The following TMEM9 variants were observed in gnomAD, a reference collection of about 807,000 sequenced individuals.
TMEM9 encodes proton-transporting V-type ATPase complex assembly regulator TMEM9.
Under a neutral mutation model 22.8 loss-of-function variants are expected in TMEM9, and 13 were observed. The observed-to-expected ratio is 0.57, with a 90% CI of 0.37 to 0.91. The LOEUF (loss-of-function observed/expected upper bound fraction) is 0.91. TMEM9 is among the 40% of genes least tolerant of loss of function. The probability of loss-of-function intolerance (pLI) is 0.01; values close to 1 mark genes in which losing one functional copy is unlikely to be tolerated. For synonymous variants in TMEM9, 88 were observed against 93.0 expected, an observed-to-expected ratio of 0.95 and a Z score of 0.31; for missense variants, 182 against 238.1, an observed-to-expected ratio of 0.76 and a Z score of 1.55.
intron 2 of TMEM9, 149 bp from the exon 3 acceptor site, chr1:201,146,997 A>C: frequency 1.5e-6 from 1 of 663,108 alleles, no homozygotes; most frequent in Non-Finnish European, 2.6e-6. Flanking sequence ...CTTATAAAGG[A>C]TTAGGCTGGC....
intron 2 of TMEM9, among the ~76,000 whole-genome samples, chr1:201,149,567 T>C (rs1427229720): frequency 1.3e-5 from 2 of 152,166 alleles, no homozygotes; most frequent in Non-Finnish European, 2.9e-5. Flanking sequence ...TATGCACATA[T>C]GGTCATAATC....
At chr1:201,139,319 A>C (rs16847826) in intron 4 of TMEM9, among the ~76,000 whole-genome samples, 3,121 of 152,302 alleles carry the variant, frequency 0.02, 58 homozygotes, top group Admixed American at 0.054. Flanking sequence ...TCCTAGTGCA[A>C]AGCCCTTCAG....
At chr1:201,147,124 C>A (rs1233972940) in intron 2 of TMEM9, among the ~76,000 whole-genome samples, 1 of 152,182 alleles carries the variant, frequency 6.6e-6, no homozygotes, top group Non-Finnish European at 1.5e-5. Context: ...GGTTCTACCC[C>A]CAGCCGCCTT....
At chr1:201,147,430 C>T (rs1455969100) in intron 2 of TMEM9, among the ~76,000 whole-genome samples, 1 of 152,134 alleles carries the variant, frequency 6.6e-6, no homozygotes, top group Non-Finnish European at 1.5e-5. Context: ...TTGACACTGC[C>T]TTCCTCTCAT....
chr1:201,161,592 C>T (rs1200509318), intron 1 of TMEM9, among the ~76,000 whole-genome samples: 1 of 152,202 alleles, frequency 6.6e-6, no homozygotes, highest in African/African-American at 2.4e-5. Flanking sequence ...TTCGGGGAAC[C>T]TTAAAGTAAA....
chr1:201,145,998 A>T (rs575055748), intron 3 of TMEM9, among the ~76,000 whole-genome samples: 1 of 152,348 alleles, frequency 6.6e-6, no homozygotes, highest in South Asian at 2.1e-4. Context: ...CTATGTAATC[A>T]GTGAGTACTG....
At position 201,154,261 on chromosome 1, in the gene TMEM9, C is replaced by CCGCCTCTGCCCGCCCCGCAG. The variant is rs1665674829; in HGVS notation, c.-358_-339dup. ...CACGTCCCACCGCCCTCCGCCATCT[C>CCGCCTCTGCCCGCCCCGCAG]CGCCTCTGCCCGCCCCGCAGCTCCT... On this transcript the variant is annotated 5_prime_UTR_variant, in exon 1 of 5. Transcript: ENST00000367330. The CCGCCTCTGCCCGCCCCGCAG allele has an allele frequency of 4.4e-6, 1 of 228,100 alleles. No homozygotes were observed. The highest frequency in any genetic ancestry group is 1.1e-4 in the East Asian group (1 of 8,928). 14.1% of individuals were successfully genotyped at this position (228,100 alleles called of 1,614,324 possible).
At chr1:201,138,828 G>A (rs1193530219) in intron 4 of TMEM9, among the ~76,000 whole-genome samples, 2 of 152,212 alleles carry the variant, frequency 1.3e-5, no homozygotes, top group Non-Finnish European at 2.9e-5. Context: ...TGGCCAAGTC[G>A]GAATTTGAAC....
rs1371672351 is a variant in TMEM9, at chr1:201,144,064, C to T, written c.268-113G>A. The T allele has an allele frequency of 8.8e-6, 11 of 1,252,408 alleles. No individual in the cohort carries two copies. In the East Asian group the frequency reaches 2.8e-4, roughly 32 times the overall value. 77.6% of individuals were successfully genotyped at this position (1,252,408 alleles called of 1,614,324 possible). Reference sequence around the variant, plus strand: ...TGGCAGTGACTCCTCAAGTGGTGCACTAAGAAAGGACTTGGAGGCAACGTG... The same window carrying T: ...TGGCAGTGACTCCTCAAGTGGTGCATTAAGAAAGGACTTGGAGGCAACGTG... On this transcript the variant is annotated intron_variant, in intron 3 of 4. Coordinates refer to ENST00000367330, the MANE Select transcript of TMEM9 (RefSeq NM_001288565.2).
At chr1:201,151,302 A>G (rs945232594) in intron 2 of TMEM9, among the ~76,000 whole-genome samples, 1 of 152,206 alleles carries the variant, frequency 6.6e-6, no homozygotes, top group Non-Finnish European at 1.5e-5. Context: ...TCAACACTCT[A>G]AATTATTTCT....
At chr1:201,162,839 AATATAT>A (rs547595188) in intron 1 of TMEM9, among the ~76,000 whole-genome samples, 7 of 152,174 alleles carry the variant, frequency 4.6e-5, no homozygotes, top group Non-Finnish European at 1.0e-4. Flanking sequence ...ACTGGTATGT[AATATAT>A]ATGAAGAACT....
At chr1:201,165,510 C>T (rs559881275) in intron 1 of TMEM9, among the ~76,000 whole-genome samples, 35 of 151,306 alleles carry the variant, frequency 2.3e-4, no homozygotes, top group Middle Eastern at 6.8e-3. Context: ...GATCTTGACT[C>T]GCTACAACCT....
intron 2 of TMEM9, among the ~76,000 whole-genome samples, chr1:201,147,744 G>T (rs936009259): frequency 6.6e-6 from 1 of 152,090 alleles, no homozygotes; most frequent in African/African-American, 2.4e-5. Flanking sequence ...CTCTGCCAGG[G>T]GTCCCAACCC....
chr1:201,135,952 T>A (rs1663951094), intron 4 of TMEM9, 137 bp from the exon 5 acceptor site: 3 of 872,254 alleles, frequency 3.4e-6, no homozygotes, highest in Non-Finnish European at 5.0e-6. Flanking sequence ...CCCCAAGTGC[T>A]GCAGGCTGAG....
intron 1 of TMEM9, among the ~76,000 whole-genome samples, chr1:201,152,517 C>T (rs555638172): frequency 3.3e-5 from 5 of 152,198 alleles, no homozygotes; most frequent in Non-Finnish European, 7.3e-5. Flanking sequence ...AACAGCTCCA[C>T]AGGAATGTAG....
intron 2 of TMEM9, among the ~76,000 whole-genome samples, chr1:201,149,197 G>A (rs1335866911): frequency 1.3e-5 from 2 of 152,134 alleles, no homozygotes; most frequent in Admixed American, 6.5e-5. Flanking sequence ...TCCTGTGATT[G>A]GGGGCAATTT....
upstream of TMEM9, among the ~76,000 whole-genome samples, chr1:201,158,873 C>T (rs1157691539): frequency 1.3e-5 from 2 of 152,140 alleles, no homozygotes; most frequent in East Asian, 3.9e-4. Flanking sequence ...GGCATCCGTG[C>T]CACAGCTGTG....
At position 201,154,236 on chromosome 1, in the gene TMEM9, C is replaced by G; in HGVS notation, c.-313G>C. 2 of 275,370 alleles carry G rather than the reference C, an allele frequency of 7.3e-6. No homozygotes were observed. 17.1% of individuals were successfully genotyped at this position (275,370 alleles called of 1,614,324 possible). ...CAAGGCCCGGCTCTGACCCGCGCAT[C>G]ACGTCCCACCGCCCTCCGCCATCTC... On this transcript the variant is annotated 5_prime_UTR_variant, in exon 1 of 5. An upstream open reading frame in the 5' UTR loses its in-frame stop. Coordinates refer to ENST00000367330, the MANE Select transcript of TMEM9 (RefSeq NM_001288565.2).
At chr1:201,157,544 CT>C (rs1665834983), upstream of TMEM9, among the ~76,000 whole-genome samples, 1 of 152,164 alleles carries the variant, frequency 6.6e-6, no homozygotes, top group Admixed American at 6.5e-5. Flanking sequence ...CTGCCAAGGA[CT>C]TTTTTGTCCT....
Sources: allele counts gnomAD v4.1 joint callset (sites outside exome capture counted in the v4.1 genomes callset), GRCh38; gene constraint gnomAD v4.1.1; transcripts MANE v1.5; gene names NCBI Gene and HGNC (gene_info 2026-07-23, HGNC 2026-07-21).